Variants in CALCOCO2 observed in about 807,000 individuals in gnomAD.
The protein encoded by CALCOCO2 is calcium-binding and coiled-coil domain-containing protein 2.
Under a neutral mutation model 62.5 loss-of-function variants are expected in CALCOCO2, and 42 were observed. That is an observed-to-expected ratio of 0.67 (90% CI 0.53 to 0.87). The LOEUF (loss-of-function observed/expected upper bound fraction) is 0.87, where lower values mean the gene tolerates loss of function less well. CALCOCO2 is among the 40% of genes least tolerant of loss of function. The probability of loss-of-function intolerance (pLI) is 0.00; values close to 1 mark genes in which losing one functional copy is unlikely to be tolerated. For synonymous variants in CALCOCO2, 167 were observed against 173.0 expected (o/e 0.97, Z 0.27); for missense variants, 456 against 515.0 (o/e 0.89, Z 1.11).
chr17:48,859,336 C>A (rs2040292525), intron 10 of CALCOCO2, among the ~76,000 whole-genome samples: 1 of 152,022 alleles, frequency 6.6e-6, no homozygotes, highest in Admixed American at 6.6e-5. Context: ...AAATATTCTG[C>A]TCTCAATAAT....
intron 1 of CALCOCO2, among the ~76,000 whole-genome samples, chr17:48,835,132 T>C (rs1278022267): frequency 3.9e-5 from 6 of 152,152 alleles, no homozygotes; most frequent in Admixed American, 2.6e-4. Context: ...GAAAGGTAAT[T>C]TCCCAAGCCA....
At chr17:48,856,242 G>A (rs2040213527) in intron 10 of CALCOCO2, 55 bp downstream of exon 10, 1 of 968,296 alleles carries the variant, frequency 1.0e-6, no homozygotes, top group Non-Finnish European at 1.6e-6. Context: ...AAGGATCAGG[G>A]TGGCCCAGAG....
At position 48,853,103 on chromosome 17, in the gene CALCOCO2, A is replaced by G. The variant is rs2040158126; in HGVS notation, c.912+91A>G. ...GCCTATTTTCCGGTTGATGGACAGG[A>G]TAAATAAGAGAGTGTTCACCTCTAG... On this transcript the variant is annotated intron_variant, in intron 9 of 12. Transcript: ENST00000258947. 8.4e-6 allele frequency: 7 copies of G among 830,682 alleles called. No individual in the cohort carries two copies. In the East Asian group the frequency reaches 1.8e-4, roughly 22 times the overall value. The allele number at this position is 830,682 out of a possible 1,614,324, so 51.5% of individuals were successfully genotyped here. A position where few individuals can be genotyped will look rare whatever the true frequency, so the allele number is the denominator to read the frequency against.
intron 1 of CALCOCO2, among the ~76,000 whole-genome samples, chr17:48,832,488 A>G (rs1218457976): frequency 6.6e-6 from 1 of 151,982 alleles, no homozygotes; most frequent in African/African-American, 2.4e-5. Context: ...AGTTAAATGA[A>G]CTCTTTCACT....
Position 48,841,802 on chromosome 17 carries a change from A to G in CALCOCO2, c.95A>G (p.Tyr32Cys), listed in dbSNP as rs769234486. ...ATCTTTAACAGTGTGGAGAAGTTCTACATCCCTGGAGGGGACGTCACATGT... is the reference window on the plus strand; with the variant it reads ...ATCTTTAACAGTGTGGAGAAGTTCTGCATCCCTGGAGGGGACGTCACATGT... ...QVIFNSVEKF[Y>C]IPGGDVTCHY... Residue 32 changes from tyrosine (Y) to cysteine (C), a missense_variant, in exon 2 of 13, where the codon TAC (tyrosine) becomes TGC (cysteine). Around this residue, in one of 3 missense-constraint regions of CALCOCO2, gnomAD observed 48 missense variants for 79.3 expected, o/e 0.61. Coordinates refer to ENST00000258947, the MANE Select transcript of CALCOCO2 (RefSeq NM_005831.5). 9.9e-6 allele frequency: 16 copies of G among 1,613,518 alleles called. No homozygotes were observed. The highest frequency in any genetic ancestry group is 8.3e-5 in the Admixed American group (5 of 59,976).
chr17:48,849,247 T>C lies in CALCOCO2; in HGVS notation c.418-5T>C, dbSNP rs201152608. ...GAATATAGTTTATGGAATGTTCTTT[T>C]GTAGGGAGAGGTGGAAGAGATTGAG... On this transcript the variant is annotated splice_region_variant and splice_polypyrimidine_tract_variant and intron_variant, in intron 4 of 12. Coordinates refer to ENST00000258947, the MANE Select transcript of CALCOCO2 (RefSeq NM_005831.5). 1,757 of 1,613,518 alleles carry C rather than the reference T, an allele frequency of 1.1e-3. 33 individuals are homozygous for C. In the South Asian group the frequency reaches 0.015, roughly 14 times the overall value.
At chr17:48,858,003 A>T (rs978102902) in intron 10 of CALCOCO2, among the ~76,000 whole-genome samples, 478 of 20,552 alleles carry the variant, frequency 0.023, 18 homozygotes, top group African/African-American at 0.055. Context: ...AGAATAGAAT[A>T]GAATAGAATA....
chr17:48,846,412 A>G, intron 2 of CALCOCO2: 1 of 984,292 alleles, frequency 1.0e-6, no homozygotes, highest in South Asian at 1.4e-5. Flanking sequence ...CTCAGTGTAT[A>G]ATCCTATGCT....
At position 48,854,144 on chromosome 17, in the gene CALCOCO2, C is replaced by T. The variant is rs867684831; in HGVS notation, c.912+1132C>T. ...CAGCCTGACCAAAATGGAGAAACCCCGTCTCTACGAAAAATACAAAAATTA... is the reference window on the plus strand; with the variant it reads ...CAGCCTGACCAAAATGGAGAAACCCTGTCTCTACGAAAAATACAAAAATTA... On this transcript the variant is annotated intron_variant, in intron 9 of 12. Coordinates refer to ENST00000258947, the MANE Select transcript of CALCOCO2 (RefSeq NM_005831.5). Among the ~76,000 whole-genome samples, 16 of 150,594 alleles carry T rather than the reference C, an allele frequency of 1.1e-4. No individual in the cohort carries two copies. In the Middle Eastern group the frequency reaches 0.01, roughly 97 times the overall value.
chr17:48,860,541 G>C, intron 11 of CALCOCO2, 92 bp downstream of exon 11: 1 of 1,139,460 alleles, frequency 8.8e-7, no homozygotes, highest in South Asian at 1.4e-5. Context: ...ATTAAGACCA[G>C]TCTCATTGTT....
chr17:48,833,060 A>C (rs910079610), intron 1 of CALCOCO2, among the ~76,000 whole-genome samples: 1 of 152,190 alleles, frequency 6.6e-6, no homozygotes, highest in Non-Finnish European at 1.5e-5. Context: ...TTTGGGCTAG[A>C]GCAAATGGCT....
At chr17:48,860,565 C>T in intron 11 of CALCOCO2, 116 bp downstream of exon 11, 1 of 869,088 alleles carries the variant, frequency 1.2e-6, no homozygotes, top group Non-Finnish European at 1.8e-6. Flanking sequence ...ACTTGCTGGG[C>T]AGAAGCTGAG....
At chr17:48,851,670 C>T in intron 7 of CALCOCO2, 42 bp downstream of exon 7, 1 of 1,104,224 alleles carries the variant, frequency 9.1e-7, no homozygotes, top group South Asian at 1.2e-5. Context: ...TTTTCTTAGC[C>T]TTACCACTGC....
intron 2 of CALCOCO2, 45 bp from the exon 3 acceptor site, chr17:48,848,019 C>T (rs1370940062): frequency 9.2e-7 from 1 of 1,081,864 alleles, no homozygotes; most frequent in South Asian, 1.3e-5. Context: ...AGGATTTTCC[C>T]CAGTCCCCTT....
At chr17:48,845,321 GT>G (rs1181698139) in intron 2 of CALCOCO2, among the ~76,000 whole-genome samples, 190 of 7,074 alleles carry the variant, frequency 0.027, no homozygotes, top group South Asian at 0.14. Flanking sequence ...TATGTTGAGG[GT>G]GTGTGTGTGT....
At chr17:48,842,442 A>C (rs1162150079) in intron 2 of CALCOCO2, 1 of 151,584 alleles carries the variant, frequency 6.6e-6, no homozygotes, top group Non-Finnish European at 1.5e-5. Flanking sequence ...GGCGTGACCC[A>C]CCACGCCTGT....
At chr17:48,851,295 T>C (rs2040126413) in intron 6 of CALCOCO2, 118 bp downstream of exon 6, 2 of 701,774 alleles carry the variant, frequency 2.8e-6, no homozygotes, top group Non-Finnish European at 5.2e-6. Context: ...ATTGATGATG[T>C]GATTCTCCAC....
rs773775322 is a variant in CALCOCO2 at position 48,862,910 on chromosome 17, C to T, written c.1246C>T (p.Gln416Ter). The change falls in exon 13 of 13, where the codon CAG becomes TAG. Residue 416 changes from glutamine (Q) to a stop codon, truncating the protein, a stop_gained. Transcript: ENST00000258947. LOFTEE classifies it high-confidence loss of function. ...TCACACCTTGGAGCAACAGCAGATGCAGCCCCTTTGTTTCAATTGTCCAAT... is the reference window on the plus strand; with the variant it reads ...TCACACCTTGGAGCAACAGCAGATGTAGCCCCTTTGTTTCAATTGTCCAAT... ...CDHTLEQQQM[Q>*]PLCFNCPICD... is the part of the protein sequence containing the mutation. 1 of 1,613,536 alleles carries T rather than the reference C, an allele frequency of 6.2e-7. No individual in the cohort carries two copies. The highest frequency in any genetic ancestry group is 2.2e-5 in the East Asian group (1 of 44,880).
intron 9 of CALCOCO2, among the ~76,000 whole-genome samples, chr17:48,854,658 G>C (rs371702139): frequency 6.0e-5 from 9 of 150,806 alleles, no homozygotes; most frequent in African/African-American, 1.5e-4. Flanking sequence ...CACCCACCTC[G>C]GCCTCCCAAA....
Sources: gnomAD v4.1 joint callset for allele counts (sites outside exome capture counted in the v4.1 genomes callset) on GRCh38, gnomAD v4.1.1 for gene constraint, gnomAD v4.1.1 regional missense constraint, MANE v1.5 for transcripts, NCBI Gene and HGNC (gene_info 2026-07-23, HGNC 2026-07-21) for gene names.